The following EYS variants were observed in gnomAD, a reference collection of about 807,000 sequenced individuals.
The protein encoded by EYS is EGF-like photoreceptor maintenance factor.
In EYS, 250 loss-of-function variants were observed where a neutral mutation model predicts 282.1. The ratio of observed to expected loss-of-function variants is 0.89; its 90% CI spans 0.80 to 0.98. The LOEUF is 0.98. Ranked by LOEUF, EYS falls within the 50% of genes least tolerant of loss-of-function variation. The probability of loss-of-function intolerance (pLI) is 0.00; values close to 1 mark genes in which losing one functional copy is unlikely to be tolerated. For synonymous variants in EYS, 1,355 were observed against 1,282.9 expected, an observed-to-expected ratio of 1.06 and a Z score of -1.20; for missense variants, 4,016 against 3,709.0, an observed-to-expected ratio of 1.08 and a Z score of -2.15.
At chr6:63,962,495 A>G (rs1766113603) in intron 35 of EYS, among the ~76,000 whole-genome samples, 1 of 152,240 alleles carries the variant, frequency 6.6e-6, no homozygotes, top group South Asian at 2.1e-4. Context: ...TGCAGCCAAA[A>G]AACACATGAA....
chr6:63,901,838 G>A (rs1475967605), intron 35 of EYS, among the ~76,000 whole-genome samples: 1 of 152,034 alleles, frequency 6.6e-6, no homozygotes, highest in Admixed American at 6.6e-5. Flanking sequence ...CCAAAAACCA[G>A]AATCCAAAAT....
intron 11 of EYS, among the ~76,000 whole-genome samples, chr6:65,310,934 A>T (rs1250352665): frequency 6.6e-6 from 1 of 152,062 alleles, no homozygotes; most frequent in Non-Finnish European, 1.5e-5. Context: ...ATTTCTTACT[A>T]GAAGGTTAGT....
At chr6:64,132,012 T>C (rs1773995100) in intron 31 of EYS, among the ~76,000 whole-genome samples, 1 of 152,180 alleles carries the variant, frequency 6.6e-6, no homozygotes, top group Admixed American at 6.6e-5. Flanking sequence ...GTATTCTCTA[T>C]TTATAGACTA....
intron 13 of EYS, 119 bp from the exon 14 acceptor site, chr6:64,997,822 G>C (rs908784418): frequency 2.5e-6 from 2 of 809,910 alleles, no homozygotes; most frequent in Admixed American, 6.5e-5. Context: ...AATAAAGTAA[G>C]AATTATTATA....
intron 41 of EYS, among the ~76,000 whole-genome samples, chr6:63,732,401 A>G (rs1240430193): frequency 6.6e-6 from 1 of 152,186 alleles, no homozygotes; most frequent in Non-Finnish European, 1.5e-5. Flanking sequence ...TACACATTCA[A>G]AATATTGGTG....
intron 24 of EYS, among the ~76,000 whole-genome samples, chr6:64,595,860 C>A (rs1766569395): frequency 6.6e-6 from 1 of 152,108 alleles, no homozygotes; most frequent in Non-Finnish European, 1.5e-5. Flanking sequence ...CTGTATTAAA[C>A]CATTCTGCAT....
In EYS at chr6:64,197,927, T is replaced by G. The variant is rs537837886; in HGVS notation, c.6424+32665A>C. On this transcript the variant is annotated intron_variant, in intron 31 of 42. Transcript: ENST00000503581. ...GACTCTAATGACTTAAATGGTAAAT[T>G]TTACTTATTCAATTATCCTCCATTA... Among the ~76,000 whole-genome samples, 8 of 151,812 alleles carry G rather than the reference T, an allele frequency of 5.3e-5. No individual in the cohort carries two copies. In the South Asian group the frequency reaches 1.7e-3, roughly 31 times the overall value.
intron 20 of EYS, 110 bp from the exon 21 acceptor site, chr6:64,821,833 C>T (rs1400768212): frequency 3.5e-6 from 2 of 578,838 alleles, no homozygotes; most frequent in Admixed American, 6.5e-5. Context: ...GAAAAAAGCA[C>T]TCCCATGAGC....
intron 28 of EYS, among the ~76,000 whole-genome samples, chr6:64,420,867 A>G (rs1383595216): frequency 2.6e-5 from 4 of 152,182 alleles, no homozygotes; most frequent in Non-Finnish European, 5.9e-5. Context: ...TCGTTTCACC[A>G]TCAGCATTTT....
chr6:65,096,615 AT>A (rs1475670373), intron 12 of EYS, among the ~76,000 whole-genome samples: 1 of 151,042 alleles, frequency 6.6e-6, no homozygotes, highest in African/African-American at 2.4e-5. Context: ...AATTAAAGTA[AT>A]TTTTGGTAGT....
At chr6:64,544,225 A>G (rs1199366454) in intron 26 of EYS, among the ~76,000 whole-genome samples, 1 of 152,202 alleles carries the variant, frequency 6.6e-6, no homozygotes, top group Admixed American at 6.5e-5. Flanking sequence ...TACACTCGCT[A>G]AGAGAATACA....
chr6:65,018,768 T>A (rs1772143985), intron 13 of EYS, among the ~76,000 whole-genome samples: 1 of 152,168 alleles, frequency 6.6e-6, no homozygotes, highest in South Asian at 2.1e-4. Context: ...TTTCTCATAT[T>A]TCCTCTAAGG....
At chr6:64,235,916 C>T (rs537847556) in intron 30 of EYS, among the ~76,000 whole-genome samples, 6 of 152,176 alleles carry the variant, frequency 3.9e-5, no homozygotes, top group Non-Finnish European at 7.3e-5. Flanking sequence ...TGGTACCATT[C>T]CTTCTGAAAC....
intron 34 of EYS, among the ~76,000 whole-genome samples, chr6:63,990,755 C>T (rs548118806): frequency 1.3e-5 from 2 of 151,702 alleles, no homozygotes; most frequent in African/African-American, 4.8e-5. Flanking sequence ...TTCTGTCTCA[C>T]CTGTCTCAGA....
intron 2 of EYS, among the ~76,000 whole-genome samples, chr6:65,577,318 G>C (rs1372251560): frequency 6.6e-6 from 1 of 151,684 alleles, no homozygotes; most frequent in Non-Finnish European, 1.5e-5. Flanking sequence ...AAATTTCCAA[G>C]AACACAGAAT....
intron 26 of EYS, among the ~76,000 whole-genome samples, chr6:64,559,428 C>A (rs551081697): frequency 6.6e-6 from 1 of 151,816 alleles, no homozygotes; most frequent in South Asian, 2.1e-4. Context: ...CATAACACTT[C>A]TTGATTAGCA....
At chr6:64,575,310 TA>T (rs1554182240) in intron 26 of EYS, among the ~76,000 whole-genome samples, 3 of 152,012 alleles carry the variant, frequency 2.0e-5, no homozygotes, top group South Asian at 2.1e-4. Context: ...AAGAGCATGT[TA>T]AAAAAAGAAG....
chr6:64,252,336 ATTCT>A (rs1767245818), intron 30 of EYS, among the ~76,000 whole-genome samples: 1 of 152,090 alleles, frequency 6.6e-6, no homozygotes, highest in South Asian at 2.1e-4. Flanking sequence ...CCACATATTC[ATTCT>A]ATCACCAAGA....
intron 24 of EYS, among the ~76,000 whole-genome samples, chr6:64,616,543 C>G (rs1221894826): frequency 1.3e-5 from 2 of 152,078 alleles, no homozygotes; most frequent in Non-Finnish European, 2.9e-5. Flanking sequence ...TGTTCCGTGA[C>G]AGTTATTGAT....
Sources: allele counts gnomAD v4.1 joint callset (sites outside exome capture counted in the v4.1 genomes callset), GRCh38; gene constraint gnomAD v4.1.1; transcripts MANE v1.5; gene names NCBI Gene and HGNC (gene_info 2026-07-23, HGNC 2026-07-21).